Variants in CFAP100 observed in about 807,000 individuals in gnomAD.
CFAP100 encodes cilia- and flagella-associated protein 100.
Under a neutral mutation model 81.5 loss-of-function variants are expected in CFAP100, and 70 were observed. That is an observed-to-expected ratio of 0.86 (90% CI 0.71 to 1.05). The LOEUF (loss-of-function observed/expected upper bound fraction) is 1.05. Among genes scored for constraint, CFAP100 ranks in the 50% least tolerant of loss-of-function variants. The pLI is 0.00. For synonymous variants in CFAP100, 341 were observed against 314.8 expected (o/e 1.08, Z -0.88); for missense variants, 811 against 776.5 (o/e 1.04, Z -0.53).
At position 126,416,453 on chromosome 3, in the gene CFAP100, C is replaced by T. The variant is rs202231729; in HGVS notation, c.363C>T (p.Ala121=). ...KQEDLEARAE[A]EHQRAFRDYT... ...AGGACCTGGAGGCGCGCGCCGAGGC[C>T]GAGCATCAGCGCGCCTTCCGCGACT... Residue 121 remains alanine (A), a synonymous_variant, in exon 5 of 17, where the codon GCC becomes GCT. Transcript: ENST00000352312. The T allele has an allele frequency of 2.6e-5, 42 of 1,607,126 alleles. No homozygotes were observed. The East Asian group carries it at 8.3e-4, about 32-fold the overall frequency.
At chr3:126,419,036 C>T (rs1315625251) in intron 7 of CFAP100, 40 bp from the exon 8 acceptor site, 5 of 992,752 alleles carry the variant, frequency 5.0e-6, no homozygotes, top group Non-Finnish European at 7.6e-6. Context: ...GCCACTGGCC[C>T]CTTGCCCCCA....
chr3:126,416,758 T>G, intron 5 of CFAP100: 4 of 386,130 alleles, frequency 1.0e-5, no homozygotes, highest in Non-Finnish European at 9.2e-6. Flanking sequence ...TGGTTTCTCT[T>G]TCCTTGGCTT....
At chr3:126,430,625 C>T (rs775318173) in intron 13 of CFAP100, among the ~76,000 whole-genome samples, 173 of 151,434 alleles carry the variant, frequency 1.1e-3, no homozygotes, top group Non-Finnish European at 1.9e-3. Context: ...TTTTTTTGCC[C>T]TTTTGCTCCT....
chr3:126,411,306 T>G (rs1451749453), intron 3 of CFAP100, among the ~76,000 whole-genome samples: 2 of 151,710 alleles, frequency 1.3e-5, no homozygotes, highest in Admixed American at 1.3e-4. Flanking sequence ...TGTTGAGGAT[T>G]TTTGCATCTA....
intron 4 of CFAP100, among the ~76,000 whole-genome samples, chr3:126,415,692 AG>A (rs1560070354): frequency 1.4e-5 from 2 of 147,290 alleles, no homozygotes; most frequent in Non-Finnish European, 3.0e-5. Context: ...GAAAAGTGGG[AG>A]GGGGTGTGGA....
intron 2 of CFAP100, among the ~76,000 whole-genome samples, chr3:126,397,871 C>T (rs189237407): frequency 6.6e-6 from 1 of 152,224 alleles, no homozygotes; most frequent in Non-Finnish European, 1.5e-5. Flanking sequence ...ATAGGACCCC[C>T]CCTCAACCAG....
At position 126,436,437 on chromosome 3, in the gene CFAP100, CT is replaced by C; in HGVS notation, c.*35del. 2 of 1,550,824 alleles carry C rather than the reference CT, an allele frequency of 1.3e-6. No individual in the cohort carries two copies. Among genetic ancestry groups the C allele is most frequent in the Non-Finnish European group, 1.8e-6 (2 of 1,128,882 alleles). On this transcript the variant is annotated 3_prime_UTR_variant, in exon 17 of 17. Transcript: ENST00000352312. ...AGACCATAGCTGTTCTGGCTGAAGGCTTAGCAAAGATGTTGGCAGAGGAAGC... is the reference window on the plus strand; with the variant it reads ...AGACCATAGCTGTTCTGGCTGAAGGCTAGCAAAGATGTTGGCAGAGGAAGC...
chr3:126,421,718 T>C (rs1408905272), intron 11 of CFAP100, among the ~76,000 whole-genome samples: 3 of 152,238 alleles, frequency 2.0e-5, no homozygotes, highest in Non-Finnish European at 4.4e-5. Context: ...CAGCCTCCCA[T>C]GGCCCAAACT....
chr3:126,420,863 G>A (rs915098863), intron 11 of CFAP100: 1 of 132,600 alleles, frequency 7.5e-6, no homozygotes, highest in African/African-American at 3.1e-5. Context: ...TTTTTGTGAA[G>A]TGTCTGATTT....
intron 13 of CFAP100, among the ~76,000 whole-genome samples, chr3:126,427,131 T>G (rs1260352395): frequency 6.6e-6 from 1 of 152,222 alleles, no homozygotes; most frequent in African/African-American, 2.4e-5. Context: ...AGAAGTTACT[T>G]TGTAGTTACT....
chr3:126,400,991 G>A (rs2082969753), intron 2 of CFAP100, among the ~76,000 whole-genome samples: 1 of 152,230 alleles, frequency 6.6e-6, no homozygotes, highest in Non-Finnish European at 1.5e-5. Flanking sequence ...ATGCAGTGGA[G>A]TGCTATTCAG....
chr3:126,420,015 G>T lies in CFAP100; in HGVS notation c.949G>T (p.Ala317Ser). Residue 317 changes from alanine to serine, a missense_variant, in exon 10 of 17, where the codon GCC (alanine) becomes TCC (serine). Physicochemically the swap from Ala to Ser is moderately conservative, Grantham distance 99. Transcript: ENST00000352312. ...GIKGKASSMW[A>S]KEGQGTKKPW... ...CAAGGGCAAGGCGAGCTCCATGTGGGCCAAAGGTGAGCTGCCGCCCCCAGC... is the reference window on the plus strand; with the variant it reads ...CAAGGGCAAGGCGAGCTCCATGTGGTCCAAAGGTGAGCTGCCGCCCCCAGC... 6.2e-7 allele frequency: 1 copy of T among 1,613,160 alleles called. No individual in the cohort carries two copies. The highest frequency in any genetic ancestry group is 8.5e-7 in the Non-Finnish European group (1 of 1,179,964).
intron 2 of CFAP100, among the ~76,000 whole-genome samples, chr3:126,398,295 T>G (rs2082919837): frequency 6.6e-6 from 1 of 152,162 alleles, no homozygotes; most frequent in African/African-American, 2.4e-5. Context: ...CGCGTGGACT[T>G]GTCAGGAGAG....
chr3:126,429,269 A>G (rs1314474139), intron 13 of CFAP100, among the ~76,000 whole-genome samples: 1 of 151,992 alleles, frequency 6.6e-6, no homozygotes, highest in Non-Finnish European at 1.5e-5. Flanking sequence ...TGTTAAGACT[A>G]TTTCTTCTTG....
intron 2 of CFAP100, among the ~76,000 whole-genome samples, chr3:126,405,469 C>T (rs954691088): frequency 6.6e-6 from 1 of 152,132 alleles, no homozygotes; most frequent in African/African-American, 2.4e-5. Context: ...TCAAGACCAG[C>T]CCGGCCAACA....
At chr3:126,395,819 G>A in intron 1 of CFAP100, 123 bp from the exon 2 acceptor site, 1 of 601,798 alleles carries the variant, frequency 1.7e-6, no homozygotes, top group East Asian at 2.8e-5. Context: ...GGGAGAGGCA[G>A]GGAGCCGGCA....
At position 126,416,502 on chromosome 3, in the gene CFAP100, A is replaced by T. The variant is rs757823344; in HGVS notation, c.412A>T (p.Thr138Ser). 2.5e-6 allele frequency: 4 copies of T among 1,586,322 alleles called. No homozygotes were observed. The highest frequency in any genetic ancestry group is 3.4e-6 in the Non-Finnish European group (4 of 1,164,352). Reference protein sequence around the residue: ...RDYTTWKLTLTKEKNVEPENM... With the variant: ...RDYTTWKLTLSKEKNVEPENM... ...CTACACGACCTGGAAGCTCACCTTG[A>T]CCAAAGGTGCGTCCCCTCCGGCGCG... Residue 138 changes from threonine to serine, a missense_variant, in exon 5 of 17, where the codon ACC becomes TCC. Thr to Ser is a moderately conservative substitution (Grantham distance 58). Transcript: ENST00000352312.
At position 126,423,626 on chromosome 3, in the gene CFAP100, AAC is replaced by A; in HGVS notation, c.1273_1274del (p.Thr425ProfsTer31). 1.9e-6 allele frequency: 3 copies of A among 1,614,164 alleles called. No homozygotes were observed. Among genetic ancestry groups the A allele is most frequent in the Non-Finnish European group, 2.5e-6 (3 of 1,180,020 alleles). On this transcript the variant is annotated frameshift_variant, in exon 13 of 17. Coordinates refer to ENST00000352312, the MANE Select transcript of CFAP100 (RefSeq NM_182628.3). LOFTEE classifies it high-confidence loss of function. ...CTGGAGGAGCTGAGCCACACCCTGA[AAC>A]ACACCCAGATCCGCATGTAGGTGCT...
intron 14 of CFAP100, chr3:126,433,423 T>C: frequency 1.8e-6 from 1 of 568,562 alleles, no homozygotes; most frequent in Non-Finnish European, 3.1e-6. Context: ...GCTTCATTCT[T>C]TTATTCAACA....
Sources: allele counts gnomAD v4.1 joint callset (sites outside exome capture counted in the v4.1 genomes callset), GRCh38; gene constraint gnomAD v4.1.1; transcripts MANE v1.5; gene names NCBI Gene and HGNC (gene_info 2026-07-23, HGNC 2026-07-21).